BBS9: variants seen among roughly 807,000 people sequenced by gnomAD.
BBS9 encodes the protein protein PTHB1.
Under a neutral mutation model 117.7 loss-of-function variants are expected in BBS9, and 89 were observed. That is an observed-to-expected ratio of 0.76 (90% confidence interval 0.64 to 0.90). BBS9 has a LOEUF of 0.90. Ranked by LOEUF, BBS9 falls within the 40% of genes least tolerant of loss-of-function variation. The pLI, the probability that BBS9 is intolerant of heterozygous loss-of-function variation, is 0.00. For synonymous variants in BBS9, 379 were observed against 370.9 expected, an observed-to-expected ratio of 1.02 and a Z score of -0.25; for missense variants, 982 against 1,042.2, an observed-to-expected ratio of 0.94 and a Z score of 0.80.
intron 20 of BBS9, among the ~76,000 whole-genome samples, chr7:33,512,754 C>T (rs929510348): frequency 1.4e-4 from 22 of 152,206 alleles, no homozygotes; most frequent in African/African-American, 5.3e-4. Context: ...AAAAGCAGCA[C>T]GCCCGCTGTG....
chr7:33,143,087 A>G (rs964337423), intron 1 of BBS9, among the ~76,000 whole-genome samples: 2 of 151,964 alleles, frequency 1.3e-5, no homozygotes, highest in Admixed American at 1.3e-4. Context: ...CTCTTGCCTT[A>G]GCCTCCCGAG....
At chr7:33,255,167 C>G (rs11976502) in intron 5 of BBS9, among the ~76,000 whole-genome samples, 4,018 of 152,130 alleles carry the variant, frequency 0.026, 168 homozygotes, top group African/African-American at 0.09. Context: ...GTCCTCCCCT[C>G]TATTTTTTGT....
At chr7:33,229,191 G>T (rs980626141) in intron 5 of BBS9, among the ~76,000 whole-genome samples, 1 of 151,902 alleles carries the variant, frequency 6.6e-6, no homozygotes, top group Non-Finnish European at 1.5e-5. Context: ...TTTCATTTCT[G>T]TGGCAAGAGC....
At chr7:33,136,117 T>G (rs1163388644) in intron 1 of BBS9, among the ~76,000 whole-genome samples, 1 of 152,164 alleles carries the variant, frequency 6.6e-6, no homozygotes, top group Admixed American at 6.5e-5. Context: ...TTTTGGGTGC[T>G]ATTGTAAATG....
intron 19 of BBS9, among the ~76,000 whole-genome samples, chr7:33,476,849 A>G (rs1841871609): frequency 6.6e-6 from 1 of 152,246 alleles, no homozygotes; most frequent in Admixed American, 6.5e-5. Flanking sequence ...TAAATTAAGT[A>G]TGTATATAGA....
At chr7:33,534,996 G>A (rs1033746050) in intron 21 of BBS9, among the ~76,000 whole-genome samples, 9 of 151,846 alleles carry the variant, frequency 5.9e-5, no homozygotes, top group East Asian at 1.9e-4. Flanking sequence ...TTACTTCCCC[G>A]CCCCCATTCC....
At chr7:33,516,215 G>A (rs979839974) in intron 20 of BBS9, among the ~76,000 whole-genome samples, 3 of 152,134 alleles carry the variant, frequency 2.0e-5, no homozygotes, top group Admixed American at 6.5e-5. Flanking sequence ...CATAGGCCGG[G>A]CGCGGTGGCT....
chr7:33,387,613 A>G (rs1563102251), intron 18 of BBS9, among the ~76,000 whole-genome samples: 1 of 152,234 alleles, frequency 6.6e-6, no homozygotes, highest in East Asian at 1.9e-4. Context: ...TACCAAGATC[A>G]TTTTAAAAAT....
intron 17 of BBS9, among the ~76,000 whole-genome samples, chr7:33,373,667 A>C (rs1335050055): frequency 1.3e-5 from 2 of 152,168 alleles, no homozygotes; most frequent in East Asian, 3.9e-4. Context: ...GTATAGCCTT[A>C]GGTAGGTGTT....
At chr7:33,378,568 AT>A (rs1243502524) in intron 17 of BBS9, among the ~76,000 whole-genome samples, 4 of 152,118 alleles carry the variant, frequency 2.6e-5, no homozygotes, top group Non-Finnish European at 4.4e-5. Flanking sequence ...GGTAATCCAA[AT>A]TTTTATAAAA....
chr7:33,383,611 C>G, intron 17 of BBS9, 55 bp from the exon 18 acceptor site: 1 of 1,466,134 alleles, frequency 6.8e-7, no homozygotes, highest in Non-Finnish European at 9.4e-7. Context: ...GTTCATGTAG[C>G]TTTATCTAGT....
chr7:33,569,756 C>T (rs1239151774), intron 21 of BBS9, among the ~76,000 whole-genome samples: 2 of 151,864 alleles, frequency 1.3e-5, no homozygotes, highest in Non-Finnish European at 2.9e-5. Context: ...AGCGAAACTC[C>T]GTTTCAAAAA....
At chr7:33,317,789 C>T (rs550299651) in intron 9 of BBS9, among the ~76,000 whole-genome samples, 63 of 152,302 alleles carry the variant, frequency 4.1e-4, no homozygotes, top group South Asian at 3.1e-3. Context: ...CAGTGGCTCA[C>T]GCCTGTAAGC....
At chr7:33,309,528 T>G (rs953737245) in intron 9 of BBS9, among the ~76,000 whole-genome samples, 3 of 152,148 alleles carry the variant, frequency 2.0e-5, no homozygotes, top group Non-Finnish European at 2.9e-5. Flanking sequence ...AGAAAAAGAA[T>G]TATTGTTATT....
intron 19 of BBS9, among the ~76,000 whole-genome samples, chr7:33,455,510 G>A (rs921865886): frequency 4.6e-5 from 7 of 151,574 alleles, no homozygotes; most frequent in East Asian, 1.9e-4. Context: ...TTTGTTTTTC[G>A]TTTTTCCTAT....
rs959923372 is a variant in BBS9 at position 33,263,353 on chromosome 7, CTGTG to C, written c.618-935_618-932del. Among the ~76,000 whole-genome samples, 80 of 152,140 alleles carry C rather than the reference CTGTG, an allele frequency of 5.3e-4. 1 individual carries two copies. The highest frequency in any genetic ancestry group is 1.7e-3 in the African/African-American group (72 of 41,528). On this transcript the variant is annotated intron_variant, in intron 6 of 22. Coordinates refer to ENST00000242067, the MANE Select transcript of BBS9 (RefSeq NM_198428.3). The stretch of plus-strand genomic sequence containing the variant: ...CCCTGATTTTTACACTCTCAGATAT[CTGTG>C]TCTTAGAAAATGTGAGTTTTGATTC...
chr7:33,489,138 G>A (rs559502867), intron 19 of BBS9, among the ~76,000 whole-genome samples: 21 of 151,556 alleles, frequency 1.4e-4, no homozygotes, highest in Non-Finnish European at 2.7e-4. Flanking sequence ...GATTATAGGC[G>A]TGCACCACCA....
intron 17 of BBS9, chr7:33,379,899 G>A (rs997075552): frequency 3.3e-5 from 5 of 152,222 alleles, no homozygotes; most frequent in South Asian, 2.1e-4. Context: ...TCAACCTTAC[G>A]AACCTGGTGG....
intron 4 of BBS9, among the ~76,000 whole-genome samples, chr7:33,169,935 A>G (rs1796282575): frequency 6.6e-6 from 1 of 152,086 alleles, no homozygotes. Context: ...TAGGGTTTTT[A>G]TGGTTTTAGG....
Sources: gnomAD v4.1 joint callset for allele counts (sites outside exome capture counted in the v4.1 genomes callset) on GRCh38, gnomAD v4.1.1 for gene constraint, MANE v1.5 for transcripts, NCBI Gene and HGNC (gene_info 2026-07-23, HGNC 2026-07-21) for gene names.